The following GRIK1 variants were observed in gnomAD, a reference collection of about 807,000 sequenced individuals.
GRIK1 encodes the protein glutamate receptor ionotropic, kainate 1.
GRIK1 carries 69 observed loss-of-function variants against 105.7 expected under a neutral mutation model. The observed-to-expected ratio is 0.65, with a 90% confidence interval of 0.54 to 0.80. The LOEUF is 0.80. GRIK1 is among the 30% of genes least tolerant of loss of function. The probability of loss-of-function intolerance (pLI) is 0.00; values close to 1 mark genes in which losing one functional copy is unlikely to be tolerated. For synonymous variants in GRIK1, 438 were observed against 431.3 expected, an observed-to-expected ratio of 1.02 and a Z score of -0.19; for missense variants, 1,109 against 1,167.3, an observed-to-expected ratio of 0.95 and a Z score of 0.73.
At chr21:29,739,495 T>A (rs1158325822) in intron 1 of GRIK1, among the ~76,000 whole-genome samples, 1 of 152,154 alleles carries the variant, frequency 6.6e-6, no homozygotes, top group Non-Finnish European at 1.5e-5. Flanking sequence ...CAGTGTAGAA[T>A]TGAAGAAGTC....
chr21:29,851,297 C>T (rs529629809), intron 1 of GRIK1, among the ~76,000 whole-genome samples: 8 of 152,200 alleles, frequency 5.3e-5, no homozygotes, highest in African/African-American at 1.2e-4. Context: ...TCAAGTGATC[C>T]GCCCACCTCG....
intron 1 of GRIK1, among the ~76,000 whole-genome samples, chr21:29,931,481 A>G (rs2071561866): frequency 6.6e-6 from 1 of 152,194 alleles, no homozygotes; most frequent in South Asian, 2.1e-4. Context: ...TACTAGCAGC[A>G]TAATCTACCA....
At chr21:29,742,392 C>A (rs1398492772) in intron 1 of GRIK1, among the ~76,000 whole-genome samples, 2 of 152,142 alleles carry the variant, frequency 1.3e-5, no homozygotes. Context: ...ACAAAGTGAG[C>A]AGATCCTTCA....
intron 6 of GRIK1, among the ~76,000 whole-genome samples, chr21:29,648,799 C>T (rs2062668509): frequency 6.6e-6 from 1 of 152,114 alleles, no homozygotes; most frequent in Non-Finnish European, 1.5e-5. Flanking sequence ...CATGGAGGCT[C>T]TGTCTGGTGA....
chr21:29,785,070 C>T (rs899368130), intron 1 of GRIK1, among the ~76,000 whole-genome samples: 1 of 152,144 alleles, frequency 6.6e-6, no homozygotes, highest in East Asian at 1.9e-4. Flanking sequence ...ATAAACAATT[C>T]AGAAATGGTT....
rs184419634 is a variant in GRIK1 at position 29,814,202 on chromosome 21, C to T, written c.119-120139G>A. ...CTGACCTCAGATGATCCACCTGCCT[C>T]GGCCTCCCAAAGTGCTGGGATTACA... On this transcript the variant is annotated intron_variant, in intron 1 of 17. Transcript: ENST00000327783. 5.9e-4 allele frequency among the ~76,000 whole-genome samples: 89 copies of T among 151,366 alleles called. 1 individual carries two copies. The highest frequency in any genetic ancestry group is 1.8e-3 in the Admixed American group (27 of 15,172).
intron 14 of GRIK1, among the ~76,000 whole-genome samples, chr21:29,570,005 A>G (rs1161009229): frequency 1.3e-5 from 2 of 152,134 alleles, no homozygotes; most frequent in African/African-American, 4.8e-5. Context: ...TTGGCTATGA[A>G]CTGACTGATC....
At chr21:29,747,911 G>C (rs189782176) in intron 1 of GRIK1, among the ~76,000 whole-genome samples, 2 of 152,290 alleles carry the variant, frequency 1.3e-5, no homozygotes, top group Admixed American at 1.3e-4. Context: ...GTGATTTAAT[G>C]TCAGTCTTTT....
chr21:29,790,205 ACT>A (rs1169020785), intron 1 of GRIK1, among the ~76,000 whole-genome samples: 4 of 151,710 alleles, frequency 2.6e-5, no homozygotes, highest in Non-Finnish European at 5.9e-5. Context: ...ATGCGCCACC[ACT>A]CCCAGCAATT....
intron 1 of GRIK1, among the ~76,000 whole-genome samples, chr21:29,810,443 C>T (rs12482469): frequency 0.068 from 10,276 of 151,942 alleles, 437 homozygotes; most frequent in Non-Finnish European, 0.091. Context: ...TCAATGCAGG[C>T]GTGCCCAAAA....
rs577386864 is a variant in GRIK1 at position 29,537,876 on chromosome 21, C to A, written c.2616G>T (p.Lys872Asn). The A allele has an allele frequency of 7.0e-5, 88 of 1,256,032 alleles. No homozygotes were observed. In the Admixed American group the frequency reaches 7.2e-4, roughly 10 times the overall value. The allele number at this position is 1,256,032 out of a possible 1,614,324, so 77.8% of individuals were successfully genotyped here. A position where few individuals can be genotyped will look rare whatever the true frequency, so the allele number is the denominator to read the frequency against. Reference sequence around the variant, plus strand: ...TAAAATAAAATCTAATTCTTGATGACTTTCCTTTCTGATAAAAAAAAAAGA... The same window carrying A: ...TAAAATAAAATCTAATTCTTGATGAATTTCCTTTCTGATAAAAAAAAAAGA... Reference protein sequence around the residue: ...RKNNDIEQKGKSSRIRFYFRN... With the variant: ...RKNNDIEQKGNSSRIRFYFRN... Residue 872 changes from lysine to asparagine, a missense_variant, in exon 17 of 18, where the codon AAG becomes AAT. Transcript: ENST00000327783.
At chr21:29,846,842 T>C (rs2068140096) in intron 1 of GRIK1, among the ~76,000 whole-genome samples, 1 of 152,202 alleles carries the variant, frequency 6.6e-6, no homozygotes, top group African/African-American at 2.4e-5. Context: ...GTTTGTTTCC[T>C]TCATTATAAA....
At chr21:29,809,711 G>C (rs1054987999) in intron 1 of GRIK1, among the ~76,000 whole-genome samples, 1 of 152,164 alleles carries the variant, frequency 6.6e-6, no homozygotes, top group Non-Finnish European at 1.5e-5. Context: ...CTAGCTTTCC[G>C]CCTGTCTCGG....
chr21:29,560,574 T>TTCTCTCTCTCTCTCTC lies in GRIK1; in HGVS notation c.2356+1049_2356+1050insGAGAGAGAGAGAGAGA, dbSNP rs757906994. Among the ~76,000 whole-genome samples the TTCTCTCTCTCTCTCTC allele has an allele frequency of 2.7e-4, 34 of 124,164 alleles. 4 individuals carry two copies. The highest frequency in any genetic ancestry group is 1.3e-3 in the African/African-American group (33 of 24,972). The allele number at this position is 124,164 out of a possible 152,430, so 81.5% of individuals were successfully genotyped here. A position where few individuals can be genotyped will look rare whatever the true frequency, so the allele number is the denominator to read the frequency against. On this transcript the variant is annotated intron_variant, in intron 15 of 17. Coordinates refer to ENST00000327783, the MANE Select transcript of GRIK1 (RefSeq NM_001330994.2). ...TTTCTTTCTTTCTTTCTTTCTTTCT[T>TTCTCTCTCTCTCTCTC]TCTCTCTTTCTTTCTTTCTCTCCTT...
At chr21:29,809,517 G>T (rs1302218581) in intron 1 of GRIK1, among the ~76,000 whole-genome samples, 4 of 152,164 alleles carry the variant, frequency 2.6e-5, no homozygotes, top group African/African-American at 7.2e-5. Context: ...TGTGGATTAG[G>T]CTTTGGCTTA....
At chr21:29,899,370 C>T (rs2070302625) in intron 1 of GRIK1, among the ~76,000 whole-genome samples, 1 of 152,196 alleles carries the variant, frequency 6.6e-6, no homozygotes, top group African/African-American at 2.4e-5. Flanking sequence ...ATTATTGCTG[C>T]CTTCCATGCC....
rs142001739 is a variant in GRIK1 at position 29,714,638 on chromosome 21, G to A, written c.119-20575C>T. Among the ~76,000 whole-genome samples the A allele has an allele frequency of 5.7e-3, 865 of 152,270 alleles. 4 individuals carry two copies. Among genetic ancestry groups the A allele is most frequent in the Non-Finnish European group, 7.5e-3 (509 of 68,034 alleles). On this transcript the variant is annotated intron_variant, in intron 1 of 17. Transcript: ENST00000327783. ...GGGTAGTGCCGCCTGAATGCACTGC[G>A]ATAAGTTTTATTCTTTCTAAGATGC...
At chr21:29,918,380 C>A (rs906431767) in intron 1 of GRIK1, among the ~76,000 whole-genome samples, 1 of 152,042 alleles carries the variant, frequency 6.6e-6, no homozygotes. Context: ...TAACCAATCT[C>A]ATTTTACAGA....
At chr21:29,730,722 C>T (rs1433617711) in intron 1 of GRIK1, among the ~76,000 whole-genome samples, 1 of 152,054 alleles carries the variant, frequency 6.6e-6, no homozygotes, top group Non-Finnish European at 1.5e-5. Context: ...ATTTATTTTA[C>T]CATTCTCTCT....
Sources: allele counts gnomAD v4.1 joint callset (sites outside exome capture counted in the v4.1 genomes callset), GRCh38; gene constraint gnomAD v4.1.1; transcripts MANE v1.5; gene names NCBI Gene and HGNC (gene_info 2026-07-23, HGNC 2026-07-21).